SMARCA4: variants seen among roughly 807,000 people sequenced by gnomAD.
The protein encoded by SMARCA4 is SWI/SNF-related matrix-associated actin-dependent regulator of chromatin subfamily A member 4.
Under a neutral mutation model 193.9 loss-of-function variants are expected in SMARCA4, and 31 were observed. That is an observed-to-expected ratio of 0.16 (90% CI 0.12 to 0.22). The LOEUF is 0.22. Ranked by LOEUF, SMARCA4 falls within the 10% of genes least tolerant of loss-of-function variation. The pLI, the probability that SMARCA4 is intolerant of heterozygous loss-of-function variation, is 1.00. For synonymous variants in SMARCA4, 942 were observed against 933.1 expected (o/e 1.01, Z -0.17); for missense variants, 1,148 against 2,296.0 (o/e 0.50, Z 10.22).
chr19:10,962,904 C>A (rs927236018), intron 1 of SMARCA4, among the ~76,000 whole-genome samples: 1 of 152,138 alleles, frequency 6.6e-6, no homozygotes, highest in Admixed American at 6.6e-5. Flanking sequence ...TACATTCATA[C>A]ATCAACTTGG....
Position 10,986,908 on chromosome 19 carries a change from T to A in SMARCA4, c.764T>A (p.Met255Lys). 1 of 1,610,424 alleles carries A rather than the reference T, an allele frequency of 6.2e-7. No homozygotes were observed. The highest frequency in any genetic ancestry group is 8.5e-7 in the Non-Finnish European group (1 of 1,177,262). The part of the protein sequence containing the change: ...APPNYSRPHG[M>K]GGPNMPPPGP... Reference sequence around the variant, plus strand: ...TTTTGTTTCTCCCTACATGTAGGTATGGGAGGGCCCAACATGCCTCCCCCA... The same window carrying A: ...TTTTGTTTCTCCCTACATGTAGGTAAGGGAGGGCCCAACATGCCTCCCCCA... The change falls in exon 5 of 35, where the codon ATG becomes AAG. Residue 255 changes from methionine (M) to lysine (K), a missense_variant. This residue lies in a region of SMARCA4 where 257 missense variants were observed against 276.5 expected (regional missense o/e 0.93). Transcript: ENST00000344626. The surrounding 1 kb of genome is among the most constrained non-coding windows in gnomAD (Gnocchi z 6.7).
At chr19:11,023,898 C>T (rs1209475984) in intron 20 of SMARCA4, among the ~76,000 whole-genome samples, 1 of 152,246 alleles carries the variant, frequency 6.6e-6, no homozygotes, top group Admixed American at 6.5e-5. Flanking sequence ...TGCGGGCTCT[C>T]CTGGCCACAT....
intron 13 of SMARCA4, among the ~76,000 whole-genome samples, chr19:11,007,571 T>A (rs2088355168): frequency 1.3e-5 from 2 of 151,298 alleles, no homozygotes; most frequent in Admixed American, 1.3e-4. Context: ...AGACTACATA[T>A]CTACAAAAAT....
rs1191878094 is a variant in SMARCA4 at position 11,031,204 on chromosome 19, G to A, written c.3546+311G>A. On this transcript the variant is annotated intron_variant, in intron 25 of 34. Coordinates refer to ENST00000344626, the MANE Select transcript of SMARCA4 (RefSeq NM_003072.5). This position sits in a 1 kb window ranked among gnomAD's most constrained non-coding sequence, Gnocchi z 4.3. ...GTGGAAAGTATCCTGATCAATCTGC[G>A]CCGTCACTGTGGGGCGGCCCCTGCA... is the stretch of plus-strand genomic sequence containing the variant. 4.9e-6 allele frequency: 2 copies of A among 408,348 alleles called. No homozygotes were observed. 25.3% of individuals were successfully genotyped at this position (408,348 alleles called of 1,614,324 possible).
intron 14 of SMARCA4, 151 bp downstream of exon 14, chr19:11,008,174 C>A: frequency 1.4e-6 from 1 of 735,884 alleles, no homozygotes; most frequent in Admixed American, 2.1e-5. Context: ...TTATTTACTT[C>A]ACATTTCATG....
chr19:11,051,523 A>C (rs1600563172), intron 30 of SMARCA4, among the ~76,000 whole-genome samples: 1 of 138,184 alleles, frequency 7.2e-6, no homozygotes. Context: ...ACAGAGTCTC[A>C]CTCTGTCGCC....
Position 10,985,230 on chromosome 19 carries a change from C to T in SMARCA4, c.223-43C>T, listed in dbSNP as rs781061055. ...AGCGCATAGCTGCGCTGCCACCTCA[C>T]GTTCCACATGCTGACCCTGCCTTGC... On this transcript the variant is annotated intron_variant, in intron 2 of 34. Coordinates refer to ENST00000344626, the MANE Select transcript of SMARCA4 (RefSeq NM_003072.5). The surrounding 1 kb of genome is among the most constrained non-coding windows in gnomAD (Gnocchi z 4.5). 9.9e-6 allele frequency: 16 copies of T among 1,612,266 alleles called. No homozygotes were observed. The Admixed American group carries it at 1.5e-4, about 15-fold the overall frequency.
chr19:10,968,938 C>T (rs936477021), intron 1 of SMARCA4, among the ~76,000 whole-genome samples: 2 of 152,206 alleles, frequency 1.3e-5, no homozygotes, highest in East Asian at 1.9e-4. Context: ...GAGGCATCTC[C>T]TGGGTGCCTG....
chr19:11,017,689 C>T (rs118115977), intron 16 of SMARCA4, among the ~76,000 whole-genome samples: 1,532 of 152,350 alleles, frequency 0.01, 10 homozygotes, highest in Non-Finnish European at 0.014. Flanking sequence ...TCCCTTGGTG[C>T]GCTGACTGTC....
intron 29 of SMARCA4, among the ~76,000 whole-genome samples, chr19:11,036,371 C>T (rs755784097): frequency 1.3e-4 from 20 of 152,308 alleles, no homozygotes; most frequent in Non-Finnish European, 2.1e-4. Context: ...GTGATCCTCA[C>T]ACCTCAGCCT....
chr19:11,022,142 G>A (rs1254721123), intron 19 of SMARCA4, among the ~76,000 whole-genome samples, 175 bp downstream of exon 19: 1 of 152,214 alleles, frequency 6.6e-6, no homozygotes. Context: ...AGCCACAAGG[G>A]CCCCAGGGGA....
intron 1 of SMARCA4, among the ~76,000 whole-genome samples, 185 bp from the exon 2 acceptor site, chr19:10,983,936 G>T (rs895520026): frequency 6.6e-6 from 1 of 152,142 alleles, no homozygotes; most frequent in Non-Finnish European, 1.5e-5. Context: ...GACTGATCTT[G>T]TGTGCCTGAG....
chr19:10,975,820 C>T (rs934972100), intron 1 of SMARCA4, among the ~76,000 whole-genome samples: 12 of 152,220 alleles, frequency 7.9e-5, no homozygotes, highest in African/African-American at 2.7e-4. Flanking sequence ...AGTAGTTTCA[C>T]TTCCGGTCAT....
chr19:11,029,420 AG>A (rs2090487087), intron 24 of SMARCA4, among the ~76,000 whole-genome samples: 1 of 152,278 alleles, frequency 6.6e-6, no homozygotes, highest in Non-Finnish European at 1.5e-5. Flanking sequence ...TCATGGCCAC[AG>A]GGCCAGAGAA....
chr19:10,961,481 C>T (rs865830064), intron 1 of SMARCA4: 1 of 152,100 alleles, frequency 6.6e-6, no homozygotes, highest in Non-Finnish European at 1.5e-5. Flanking sequence ...GCTCGCCCCC[C>T]TCGCCCGGCA....
intron 8 of SMARCA4, among the ~76,000 whole-genome samples, chr19:10,991,534 C>T (rs550479784): frequency 4.6e-5 from 7 of 152,290 alleles, no homozygotes; most frequent in African/African-American, 7.2e-5. Context: ...ACGCGTAGCA[C>T]GTCTGGAAGG....
In SMARCA4 at chr19:11,034,272, C is replaced by G. The variant is rs2075127603; in HGVS notation, c.3951+72C>G. The G allele has an allele frequency of 2.5e-6, 3 of 1,194,936 alleles. No individual in the cohort carries two copies. Among genetic ancestry groups the G allele is most frequent in the Non-Finnish European group, 2.5e-6 (2 of 800,204 alleles). The allele number at this position is 1,194,936 out of a possible 1,614,324, so 74.0% of individuals were successfully genotyped here. A position where few individuals can be genotyped will look rare whatever the true frequency, so the allele number is the denominator to read the frequency against. Reference sequence around the variant, plus strand: ...TGCCACCAGGAGCAAAGCAGACGTCCTAGTGCCCATGGTGGTATCCCTAGC... The same window carrying G: ...TGCCACCAGGAGCAAAGCAGACGTCGTAGTGCCCATGGTGGTATCCCTAGC... On this transcript the variant is annotated intron_variant, in intron 28 of 34. Coordinates refer to ENST00000344626, the MANE Select transcript of SMARCA4 (RefSeq NM_003072.5). This position sits in a 1 kb window ranked among gnomAD's most constrained non-coding sequence, Gnocchi z 7.0.
chr19:10,962,070 G>C lies in SMARCA4; in HGVS notation c.-32+896G>C, dbSNP rs570628743. Reference sequence around the variant, plus strand: ...CGCAGGAATTTGAAGCAAGTTTTCAGTTTGGATTGATAGGCTGCATTCAAG... The same window carrying C: ...CGCAGGAATTTGAAGCAAGTTTTCACTTTGGATTGATAGGCTGCATTCAAG... On this transcript the variant is annotated intron_variant, in intron 1 of 34. Transcript: ENST00000344626. 4.0e-5 allele frequency among the ~76,000 whole-genome samples: 6 copies of C among 150,938 alleles called. No homozygotes were observed. In the South Asian group the frequency reaches 1.3e-3, roughly 31 times the overall value.
intron 9 of SMARCA4, 129 bp from the exon 10 acceptor site, chr19:10,996,084 A>G (rs1222784733): frequency 1.2e-5 from 11 of 896,238 alleles, no homozygotes; most frequent in Non-Finnish European, 1.9e-5. Flanking sequence ...TTGCCGTGTG[A>G]AGGGCTGGTG....
Sources: gnomAD v4.1 joint callset for allele counts (sites outside exome capture counted in the v4.1 genomes callset) on GRCh38, gnomAD v4.1.1 for gene constraint, gnomAD v4.1.1 regional missense constraint, Gnocchi (gnomAD v3.1) non-coding constraint, MANE v1.5 for transcripts, NCBI Gene and HGNC (gene_info 2026-07-23, HGNC 2026-07-21) for gene names.